GPHN: variants seen among roughly 807,000 people sequenced by gnomAD.
GPHN encodes gephyrin.
In GPHN, 17 loss-of-function variants were observed where a neutral mutation model predicts 95.5. The observed-to-expected ratio is 0.18, with a 90% CI of 0.12 to 0.27. GPHN has a LOEUF of 0.27. GPHN is among the 10% of genes least tolerant of loss of function. The pLI, the probability that GPHN is intolerant of heterozygous loss-of-function variation, is 1.00. For missense variants in GPHN, 660 were observed against 978.1 expected (o/e 0.67, Z 4.34); for synonymous variants, 320 against 322.5 (o/e 0.99, Z 0.08).
intron 9 of GPHN, among the ~76,000 whole-genome samples, chr14:66,976,933 A>G (rs149721721): frequency 0.051 from 7,475 of 146,926 alleles, 308 homozygotes; most frequent in Non-Finnish European, 0.083. Flanking sequence ...GGGGGAGTAC[A>G]CTCTCACTAG....
At chr14:67,003,041 T>G (rs577441909) in intron 9 of GPHN, among the ~76,000 whole-genome samples, 147 of 151,718 alleles carry the variant, frequency 9.7e-4, no homozygotes, top group African/African-American at 3.3e-3. Context: ...ACATGAACAC[T>G]TAATGTCTTT....
the GPHN span, among the ~76,000 whole-genome samples, chr14:67,681,405 T>C: frequency 3.3e-5 from 5 of 152,242 alleles, no homozygotes; most frequent in African/African-American, 1.2e-4. Flanking sequence ...GGTAGAAAAC[T>C]GTCTTTTCAA....
intron 19 of GPHN, among the ~76,000 whole-genome samples, chr14:67,161,916 T>G (rs2082003111): frequency 6.6e-6 from 1 of 152,236 alleles, no homozygotes; most frequent in Non-Finnish European, 1.5e-5. Context: ...TATTTACCAC[T>G]CACTTCAACT....
At chr14:67,542,030 G>A in the GPHN span, 3 of 1,554,884 alleles carry the variant, frequency 1.9e-6, no homozygotes, top group East Asian at 2.4e-5. Context: ...CTCTCCACAC[G>A]CAGAGGTTTA....
intron 1 of GPHN, among the ~76,000 whole-genome samples, chr14:66,630,752 G>A (rs1388266990): frequency 1.3e-5 from 2 of 151,888 alleles, no homozygotes; most frequent in Admixed American, 6.6e-5. Context: ...GATTACAGGC[G>A]TGAGCCACTG....
chr14:67,034,362 C>T (rs957683121), intron 10 of GPHN, among the ~76,000 whole-genome samples: 5 of 151,854 alleles, frequency 3.3e-5, no homozygotes, highest in Non-Finnish European at 5.9e-5. Flanking sequence ...CAAAGCATAT[C>T]GATAATGCAA....
At chr14:66,653,649 G>A (rs1266679703) in intron 1 of GPHN, among the ~76,000 whole-genome samples, 1 of 152,070 alleles carries the variant, frequency 6.6e-6, no homozygotes, top group South Asian at 2.1e-4. Context: ...CTATAATATT[G>A]TTAAATCAAG....
the GPHN span, among the ~76,000 whole-genome samples, chr14:67,566,637 A>T: frequency 4.6e-5 from 7 of 151,992 alleles, no homozygotes; most frequent in Non-Finnish European, 1.0e-4. Context: ...AGTCCCAGCT[A>T]CTCAGGAGGC....
At chr14:67,024,614 T>C (rs1368281956) in intron 10 of GPHN, among the ~76,000 whole-genome samples, 1 of 152,194 alleles carries the variant, frequency 6.6e-6, no homozygotes, top group African/African-American at 2.4e-5. Flanking sequence ...AAAAGATACA[T>C]AGGGCAGAGT....
chr14:67,382,819 A>G, the GPHN span: 1 of 538,964 alleles, frequency 1.9e-6, no homozygotes, highest in Non-Finnish European at 3.3e-6. Context: ...GGCATGTCTA[A>G]AATTTGATCT....
the GPHN span, among the ~76,000 whole-genome samples, chr14:67,394,006 G>T: frequency 6.6e-6 from 1 of 152,134 alleles, no homozygotes; most frequent in East Asian, 1.9e-4. Context: ...ATGCCTCTTT[G>T]TGAGAAACTG....
chr14:67,663,193 T>A, the GPHN span: 473 of 1,524,118 alleles, frequency 3.1e-4, 5 homozygotes, highest in Non-Finnish European at 3.6e-4. Flanking sequence ...AATCTCCCCT[T>A]TGAACAAAAA....
At chr14:66,652,850 C>T (rs116721334) in intron 1 of GPHN, among the ~76,000 whole-genome samples, 1,891 of 152,230 alleles carry the variant, frequency 0.012, 26 homozygotes, top group African/African-American at 0.042. Flanking sequence ...GAGGTAGAGC[C>T]GCTCAGAGCT....
intron 3 of GPHN, among the ~76,000 whole-genome samples, chr14:66,811,561 GAAAC>G (rs1166808665): frequency 1.1e-5 from 1 of 89,312 alleles, no homozygotes; most frequent in Non-Finnish European, 1.7e-5. Flanking sequence ...AAAAAAAAAA[GAAAC>G]AAAATATAAG....
At chr14:67,378,314 C>CTTTTTT in the GPHN span, among the ~76,000 whole-genome samples, 2 of 107,626 alleles carry the variant, frequency 1.9e-5, no homozygotes, top group Non-Finnish European at 3.8e-5. Flanking sequence ...TCTCATGTGA[C>CTTTTTT]TTTTTTTTTT....
the GPHN span, among the ~76,000 whole-genome samples, chr14:67,567,484 T>C: frequency 0.032 from 4,879 of 152,258 alleles, 112 homozygotes; most frequent in African/African-American, 0.05. Flanking sequence ...ATGACCACTC[T>C]GGGCAGAAAT....
intron 4 of GPHN, among the ~76,000 whole-genome samples, chr14:66,860,735 G>A (rs202212882): frequency 1.3e-4 from 19 of 151,920 alleles, no homozygotes; most frequent in African/African-American, 3.9e-4. Flanking sequence ...GTTAAAAAGC[G>A]GGGACACAAT....
At chr14:67,026,729 G>A (rs1175068235) in intron 10 of GPHN, among the ~76,000 whole-genome samples, 4 of 152,010 alleles carry the variant, frequency 2.6e-5, no homozygotes, top group African/African-American at 4.8e-5. Flanking sequence ...TGCAGGCTCC[G>A]CCTCCCGGGT....
the GPHN span, among the ~76,000 whole-genome samples, chr14:67,490,286 C>T: frequency 6.6e-6 from 1 of 152,320 alleles, no homozygotes; most frequent in East Asian, 1.9e-4. Context: ...TCCTTTCTCC[C>T]ATCTCCAGGA....
Sources: allele counts gnomAD v4.1 joint callset (sites outside exome capture counted in the v4.1 genomes callset), GRCh38; gene constraint gnomAD v4.1.1; transcripts MANE v1.5; gene names NCBI Gene and HGNC (gene_info 2026-07-23, HGNC 2026-07-21).